Variants in CNTNAP2 observed in about 807,000 individuals in gnomAD.
CNTNAP2 encodes contactin associated protein 2, also known as contactin-associated protein-like 2.
A neutral mutation model predicts 155.2 loss-of-function variants in CNTNAP2; 98 were observed. The ratio of observed to expected loss-of-function variants is 0.63; its 90% CI spans 0.54 to 0.75. The LOEUF is 0.75. Among genes scored for constraint, CNTNAP2 ranks in the 30% least tolerant of loss-of-function variants. The probability of loss-of-function intolerance (pLI) is 0.00; values close to 1 mark genes in which losing one functional copy is unlikely to be tolerated. For missense variants in CNTNAP2, 1,727 were observed against 1,688.1 expected (o/e 1.02, Z -0.40); for synonymous variants, 651 against 631.2 (o/e 1.03, Z -0.47).
chr7:146,457,105 C>T, intron 1 of CNTNAP2, among the ~76,000 whole-genome samples: 1 of 152,012 alleles, frequency 6.6e-6, no homozygotes, highest in East Asian at 1.9e-4. Flanking sequence ...ACTATGGAAT[C>T]AAGCCTGAGA....
intron 20 of CNTNAP2, among the ~76,000 whole-genome samples, chr7:148,250,671 C>G (rs572881889): frequency 9.8e-5 from 15 of 152,320 alleles, no homozygotes; most frequent in Non-Finnish European, 1.6e-4. Flanking sequence ...GTTCAGCTAG[C>G]AGAACACTGC....
intron 14 of CNTNAP2, among the ~76,000 whole-genome samples, chr7:147,957,599 A>G (rs1462519905): frequency 6.6e-6 from 1 of 152,166 alleles, no homozygotes; most frequent in Non-Finnish European, 1.5e-5. Flanking sequence ...TTCGTAGGTC[A>G]CTGTGGTCCA....
chr7:147,527,015 C>CTTTTTTTTTTTTTTTTTTTTTTTTTTTTT (rs888976222), intron 11 of CNTNAP2, among the ~76,000 whole-genome samples: 3 of 65,168 alleles, frequency 4.6e-5, no homozygotes, highest in African/African-American at 2.3e-4. Flanking sequence ...ACAGGCATTT[C>CTTTTTTTTTTTTTTTTTTTTTTTTTTTTT]TTTTTTTTTT....
intron 13 of CNTNAP2, among the ~76,000 whole-genome samples, chr7:147,860,383 C>T (rs1237554865): frequency 6.6e-6 from 1 of 152,058 alleles, no homozygotes; most frequent in African/African-American, 2.4e-5. Flanking sequence ...GAGAACACAC[C>T]ACTGCACTCC....
intron 3 of CNTNAP2, among the ~76,000 whole-genome samples, chr7:146,891,183 G>C (rs1330715420): frequency 6.6e-6 from 1 of 152,110 alleles, no homozygotes; most frequent in Non-Finnish European, 1.5e-5. Flanking sequence ...TTATACGTGA[G>C]AGCTAAGCAT....
At chr7:147,484,035 C>T (rs954749462) in intron 10 of CNTNAP2, among the ~76,000 whole-genome samples, 2 of 152,036 alleles carry the variant, frequency 1.3e-5, no homozygotes, top group Non-Finnish European at 2.9e-5. Context: ...TGTTTATCAT[C>T]CACTTGTAAC....
chr7:148,198,640 C>T (rs182726658), intron 18 of CNTNAP2, among the ~76,000 whole-genome samples: 1 of 152,338 alleles, frequency 6.6e-6, no homozygotes, highest in East Asian at 1.9e-4. Context: ...ACTCCCTGGG[C>T]CATCTTTTCA....
intron 1 of CNTNAP2, among the ~76,000 whole-genome samples, chr7:146,322,239 A>C (rs1425156902): frequency 1.3e-5 from 2 of 152,190 alleles, no homozygotes; most frequent in Non-Finnish European, 2.9e-5. Flanking sequence ...TAGCTGCCTG[A>C]AACAGCCAGT....
intron 1 of CNTNAP2, among the ~76,000 whole-genome samples, chr7:146,246,406 G>C (rs762632522): frequency 1.3e-4 from 20 of 150,646 alleles, no homozygotes; most frequent in Non-Finnish European, 2.5e-4. Context: ...GTGCTTAAAA[G>C]AGTATTGTCT....
Position 147,906,260 on chromosome 7 carries a change from C to T in CNTNAP2, c.2255+2539C>T, listed in dbSNP as rs182027817. On this transcript the variant is annotated intron_variant, in intron 14 of 23. Coordinates refer to ENST00000361727, the MANE Select transcript of CNTNAP2 (RefSeq NM_014141.6). ...AGGATGGAGTACAGTGGCAAAACCT[C>T]GGCCCACTGAAACCTCTGCCTCCCC... 5.3e-4 allele frequency among the ~76,000 whole-genome samples: 81 copies of T among 152,126 alleles called. 1 individual carries two copies. The highest frequency in any genetic ancestry group is 5.0e-3 in the Admixed American group (76 of 15,280).
chr7:148,412,454 A>G (rs967658492), intron 23 of CNTNAP2, among the ~76,000 whole-genome samples: 13 of 152,350 alleles, frequency 8.5e-5, no homozygotes, highest in Middle Eastern at 3.4e-3. Context: ...GTGGTTTTCA[A>G]TGCGAAGTCT....
chr7:147,752,750 C>T (rs7797724), intron 13 of CNTNAP2, among the ~76,000 whole-genome samples: 12,269 of 152,212 alleles, frequency 0.081, 1,582 homozygotes, highest in African/African-American at 0.27. Flanking sequence ...ATAAATGTTA[C>T]ATTTCCTGGG....
chr7:148,055,061 T>A (rs1325967629), intron 15 of CNTNAP2, among the ~76,000 whole-genome samples: 1 of 151,866 alleles, frequency 6.6e-6, no homozygotes, highest in Non-Finnish European at 1.5e-5. Flanking sequence ...TTTTTTGTAT[T>A]TTTAGTAGAG....
intron 1 of CNTNAP2, among the ~76,000 whole-genome samples, chr7:146,503,620 A>G (rs1161212337): frequency 6.6e-6 from 1 of 152,160 alleles, no homozygotes; most frequent in Non-Finnish European, 1.5e-5. Context: ...GTATATGGTG[A>G]GAGAATGGGT....
At chr7:146,498,248 C>G (rs151256476) in intron 1 of CNTNAP2, among the ~76,000 whole-genome samples, 256 of 152,246 alleles carry the variant, frequency 1.7e-3, no homozygotes, top group Non-Finnish European at 3.0e-3. Context: ...TCTGCCTAGA[C>G]CACATCCTCA....
intron 12 of CNTNAP2, among the ~76,000 whole-genome samples, chr7:147,605,899 C>G (rs1192605452): frequency 6.6e-6 from 1 of 151,672 alleles, no homozygotes; most frequent in Non-Finnish European, 1.5e-5. Context: ...TTCTCTCTCT[C>G]TCTCTTTCTC....
At chr7:147,230,208 G>GT (rs1199279261) in intron 8 of CNTNAP2, among the ~76,000 whole-genome samples, 1 of 151,906 alleles carries the variant, frequency 6.6e-6, no homozygotes, top group African/African-American at 2.4e-5. Flanking sequence ...TCTTTCATCT[G>GT]TTTTTCAAAG....
intron 15 of CNTNAP2, among the ~76,000 whole-genome samples, chr7:148,017,467 C>T (rs1449010989): frequency 6.6e-6 from 1 of 152,132 alleles, no homozygotes; most frequent in African/African-American, 2.4e-5. Context: ...TTGATAGTAA[C>T]TAAATATATA....
intron 21 of CNTNAP2, among the ~76,000 whole-genome samples, chr7:148,282,471 G>A (rs1187901132): frequency 2.0e-5 from 3 of 152,160 alleles, no homozygotes; most frequent in Non-Finnish European, 4.4e-5. Flanking sequence ...CATAAGCTTT[G>A]TTAGGAAGAT....
Sources: gnomAD v4.1 joint callset for allele counts (sites outside exome capture counted in the v4.1 genomes callset) on GRCh38, gnomAD v4.1.1 for gene constraint, MANE v1.5 for transcripts, NCBI Gene and HGNC (gene_info 2026-07-23, HGNC 2026-07-21) for gene names.